Variants in MB observed in about 807,000 individuals in gnomAD.
MB encodes the protein myoglobin.
In MB, 10 loss-of-function variants were observed where a neutral mutation model predicts 14.5. The observed-to-expected ratio is 0.69, with a 90% confidence interval of 0.43 to 1.17. The LOEUF is 1.17. Ranked by LOEUF, MB falls within the 50% of genes most tolerant of loss-of-function variation. The pLI, the probability that MB is intolerant of heterozygous loss-of-function variation, is 0.00. For missense variants in MB, 169 were observed against 192.7 expected (o/e 0.88, Z 0.73); for synonymous variants, 89 against 78.6 (o/e 1.13, Z -0.70).
rs553508832 is a variant in MB, at chr22:35,613,125, C to T, written c.96-2019G>A. ...GCTCCTGACTATTATTATCTGGCGA[C>T]AATGATCCTTGAACTCCCGCCTGAC... is the stretch of plus-strand genomic sequence containing the variant. On this transcript the variant is annotated intron_variant, in intron 1 of 2. Transcript: ENST00000397326. Among the ~76,000 whole-genome samples, 12 of 152,360 alleles carry T rather than the reference C, an allele frequency of 7.9e-5. No individual in the cohort carries two copies. In the East Asian group the frequency reaches 2.3e-3, roughly 29 times the overall value.
upstream of MB, among the ~76,000 whole-genome samples, chr22:35,619,098 G>A (rs1228422138): frequency 1.3e-5 from 2 of 152,180 alleles, no homozygotes; most frequent in Non-Finnish European, 2.9e-5. Flanking sequence ...CAGTGATAGA[G>A]CACCTACTGT....
At chr22:35,619,904 G>T (rs542894443), upstream of MB, among the ~76,000 whole-genome samples, 2 of 152,296 alleles carry the variant, frequency 1.3e-5, no homozygotes, top group Non-Finnish European at 2.9e-5. Flanking sequence ...GACCAAAAGG[G>T]TCAGAGGCAC....
chr22:35,610,924 G>T lies in MB; in HGVS notation c.278C>A (p.Ser93Ter). Residue 93 changes from serine to a stop codon, truncating the protein, a stop_gained, in exon 2 of 3, where the codon TCG becomes TAG. Transcript: ENST00000397326. LOFTEE classifies it high-confidence loss of function. ...HEAEIKPLAQSHATKHKIPVK... is the reference protein window; with the variant it reads ...HEAEIKPLAQ The stretch of plus-strand genomic sequence containing the variant: ...GGGGATCTTGTGCTTGGTGGCATGC[G>T]ACTGTGCCAGGGGCTTAATCTCTGC... The T allele has an allele frequency of 6.2e-7, 1 of 1,614,076 alleles. No homozygotes were observed. The highest frequency in any genetic ancestry group is 1.1e-5 in the South Asian group (1 of 91,062).
At chr22:35,609,449 C>T (rs758349596) in intron 2 of MB, among the ~76,000 whole-genome samples, 11 of 152,216 alleles carry the variant, frequency 7.2e-5, no homozygotes, top group South Asian at 6.2e-4. Flanking sequence ...TGTCTGTTCA[C>T]GCTGGTGATG....
chr22:35,613,019 C>T (rs780654976), intron 1 of MB, among the ~76,000 whole-genome samples: 4 of 152,238 alleles, frequency 2.6e-5, no homozygotes, highest in Non-Finnish European at 4.4e-5. Context: ...CCAACATTGC[C>T]ACCTCGCTCC....
chr22:35,617,352 GT>G (rs1238212745), upstream of MB: 15 of 887,518 alleles, frequency 1.7e-5, no homozygotes, highest in Middle Eastern at 2.3e-4. Flanking sequence ...TCCCAAGGGC[GT>G]TTTTATACCT....
chr22:35,612,673 A>G (rs1922729151), intron 1 of MB, among the ~76,000 whole-genome samples: 1 of 152,212 alleles, frequency 6.6e-6, no homozygotes, highest in Admixed American at 6.5e-5. Flanking sequence ...AAACAGAGGC[A>G]CCGAAAGACT....
intron 1 of MB, among the ~76,000 whole-genome samples, chr22:35,615,337 T>C (rs1178768059): frequency 1.3e-5 from 2 of 152,214 alleles, no homozygotes; most frequent in Admixed American, 1.3e-4. Flanking sequence ...GCACAGTCTC[T>C]GCATGTCCCA....
At chr22:35,611,375 G>A (rs998062569) in intron 1 of MB, among the ~76,000 whole-genome samples, 1 of 152,166 alleles carries the variant, frequency 6.6e-6, no homozygotes, top group Non-Finnish European at 1.5e-5. Flanking sequence ...TACAGATGTG[G>A]AAACCGAGGT....
upstream of MB, chr22:35,617,438 A>G (rs150747646): frequency 2.2e-5 from 13 of 588,136 alleles, no homozygotes; most frequent in Non-Finnish European, 3.9e-5. Context: ...TCTCTCTCTC[A>G]TCCAGGGAGG....
Position 35,617,285 on chromosome 22 carries a change from C to A in MB, c.-28G>T. Reference sequence around the variant, plus strand: ...CGCAGTCTGAAGAAGACAAAAAGAGCAAGTATGGGCTCACTGGGTGTCCTG... The same window carrying A: ...CGCAGTCTGAAGAAGACAAAAAGAGAAAGTATGGGCTCACTGGGTGTCCTG... On this transcript the variant is annotated 5_prime_UTR_variant, in exon 1 of 3. Transcript: ENST00000397326. The A allele has an allele frequency of 6.3e-7, 1 of 1,579,604 alleles. No individual in the cohort carries two copies. Among genetic ancestry groups the A allele is most frequent in the Non-Finnish European group, 8.7e-7 (1 of 1,148,666 alleles).
upstream of MB, among the ~76,000 whole-genome samples, chr22:35,621,809 A>T (rs1183782886): frequency 6.6e-6 from 1 of 152,170 alleles, no homozygotes; most frequent in African/African-American, 2.4e-5. Context: ...TGAACATCCC[A>T]GGACTTCCAC....
At chr22:35,615,990 C>T (rs1236083209) in intron 1 of MB, among the ~76,000 whole-genome samples, 1 of 152,148 alleles carries the variant, frequency 6.6e-6, no homozygotes, top group African/African-American at 2.4e-5. Context: ...GCCATGCTCC[C>T]GAGGTAGACG....
At chr22:35,616,871 T>C (rs1339489459) in intron 1 of MB, among the ~76,000 whole-genome samples, 1 of 152,186 alleles carries the variant, frequency 6.6e-6, no homozygotes, top group Admixed American at 6.5e-5. Context: ...CTCAGGACCC[T>C]TGTTAACTCT....
In MB at chr22:35,607,577, G is replaced by A. The variant is rs1005648776; in HGVS notation, c.319-134C>T. Reference sequence around the variant, plus strand: ...AGCACTTGCTAGGCACCAGGTGAGAGTCTGTGTGATCTCCACGGATGAACC... The same window carrying A: ...AGCACTTGCTAGGCACCAGGTGAGAATCTGTGTGATCTCCACGGATGAACC... On this transcript the variant is annotated intron_variant, in intron 2 of 2. Transcript: ENST00000397326. 1.1e-5 allele frequency: 9 copies of A among 782,690 alleles called. No individual in the cohort carries two copies. The African/African-American group carries it at 1.6e-4, about 14-fold the overall frequency. 48.5% of individuals were successfully genotyped at this position (782,690 alleles called of 1,614,324 possible). A position where few individuals can be genotyped will look rare whatever the true frequency, so the allele number is the denominator to read the frequency against.
chr22:35,615,891 T>C (rs1376544925), intron 1 of MB, among the ~76,000 whole-genome samples: 1 of 151,982 alleles, frequency 6.6e-6, no homozygotes, highest in Non-Finnish European at 1.5e-5. Context: ...GCCATTACAG[T>C]CAACAGAAAA....
chr22:35,611,558 G>T (rs1221388311), intron 1 of MB, among the ~76,000 whole-genome samples: 3 of 152,088 alleles, frequency 2.0e-5, no homozygotes, highest in African/African-American at 7.2e-5. Flanking sequence ...GCTACAGGAG[G>T]CTCACTCCTA....
At chr22:35,620,373 C>A (rs896780950), upstream of MB, among the ~76,000 whole-genome samples, 26 of 152,150 alleles carry the variant, frequency 1.7e-4, no homozygotes, top group African/African-American at 6.0e-4. Flanking sequence ...GGATCTCATT[C>A]ATTCATTCAG....
chr22:35,615,297 C>T (rs45626533), intron 1 of MB, among the ~76,000 whole-genome samples: 1 of 152,288 alleles, frequency 6.6e-6, no homozygotes, highest in African/African-American at 2.4e-5. Context: ...CCTCCCTGTA[C>T]CCCAAATACT....
Sources: gnomAD v4.1 joint callset for allele counts (sites outside exome capture counted in the v4.1 genomes callset) on GRCh38, gnomAD v4.1.1 for gene constraint, MANE v1.5 for transcripts, NCBI Gene and HGNC (gene_info 2026-07-23, HGNC 2026-07-21) for gene names.